The following CD86 variants were observed in gnomAD, a reference collection of about 807,000 sequenced individuals.
The protein encoded by CD86 is CD86 molecule.
Under a neutral mutation model 32.1 loss-of-function variants are expected in CD86, and 11 were observed. The ratio of observed to expected loss-of-function variants is 0.34; its 90% CI spans 0.22 to 0.57. The LOEUF is 0.57. Ranked by LOEUF, CD86 falls within the 20% of genes least tolerant of loss-of-function variation. The pLI, the probability that CD86 is intolerant of heterozygous loss-of-function variation, is 0.86. For synonymous variants in CD86, 137 were observed against 135.3 expected (o/e 1.01, Z -0.09); for missense variants, 359 against 398.4 (o/e 0.90, Z 0.84).
intron 1 of CD86, among the ~76,000 whole-genome samples, chr3:122,069,516 C>T (rs143723526): frequency 2.0e-5 from 3 of 152,156 alleles, no homozygotes; most frequent in Admixed American, 6.5e-5. Flanking sequence ...TTGAGATACA[C>T]GACAGGCAGG....
chr3:122,116,882 G>T (rs964876533), intron 5 of CD86, among the ~76,000 whole-genome samples: 1 of 152,118 alleles, frequency 6.6e-6, no homozygotes, highest in African/African-American at 2.4e-5. Flanking sequence ...ATGGGATGGG[G>T]GAAAGGAATC....
chr3:122,076,671 AG>A (rs2072560777), intron 1 of CD86, among the ~76,000 whole-genome samples: 1 of 152,238 alleles, frequency 6.6e-6, no homozygotes, highest in Non-Finnish European at 1.5e-5. Flanking sequence ...TAGTGACAGA[AG>A]GGAGATCTTT....
intron 3 of CD86, among the ~76,000 whole-genome samples, chr3:122,104,404 A>G (rs1306923692): frequency 6.6e-6 from 1 of 152,162 alleles, no homozygotes; most frequent in Non-Finnish European, 1.5e-5. Context: ...ACAAACTTAC[A>G]AACCAGCTCC....
chr3:122,083,927 T>G (rs2072674859), intron 1 of CD86, among the ~76,000 whole-genome samples: 1 of 152,256 alleles, frequency 6.6e-6, no homozygotes, highest in Non-Finnish European at 1.5e-5. Flanking sequence ...CTTTTTAATT[T>G]CTTTAATGTG....
chr3:122,091,942 G>A lies in CD86; in HGVS notation c.64+292G>A, dbSNP rs548965022. The A allele has an allele frequency of 8.9e-6, 3 of 337,504 alleles. No homozygotes were observed. The East Asian group carries it at 1.5e-4, about 17-fold the overall frequency. 20.9% of individuals were successfully genotyped at this position (337,504 alleles called of 1,614,324 possible). Reference sequence around the variant, plus strand: ...GTAGGGTAGCCTGGCCCATCCCATGGGGATGGGGGAAGGCTGCTGCACTGA... The same window carrying A: ...GTAGGGTAGCCTGGCCCATCCCATGAGGATGGGGGAAGGCTGCTGCACTGA... On this transcript the variant is annotated intron_variant, in intron 2 of 6. Transcript: ENST00000330540.
chr3:122,106,536 G>T, intron 4 of CD86, 36 bp downstream of exon 4: 1 of 1,533,226 alleles, frequency 6.5e-7, no homozygotes, highest in Non-Finnish European at 8.9e-7. Context: ...CTTTCAGCAG[G>T]TATTATACAC....
intron 5 of CD86, among the ~76,000 whole-genome samples, chr3:122,116,883 G>A (rs924372394): frequency 6.6e-6 from 1 of 152,122 alleles, no homozygotes; most frequent in Non-Finnish European, 1.5e-5. Flanking sequence ...TGGGATGGGG[G>A]AAAGGAATCA....
chr3:122,102,185 C>G (rs1293883147), intron 2 of CD86, among the ~76,000 whole-genome samples: 1 of 152,078 alleles, frequency 6.6e-6, no homozygotes, highest in East Asian at 1.9e-4. Context: ...TAATTACTCC[C>G]CCACTTAGAA....
chr3:122,077,067 T>A (rs2072565646), intron 1 of CD86, among the ~76,000 whole-genome samples: 1 of 152,154 alleles, frequency 6.6e-6, no homozygotes, highest in South Asian at 2.1e-4. Context: ...CTCCAAGAGA[T>A]CAGGGAGGCA....
At chr3:122,066,915 A>G (rs2072421597) in intron 1 of CD86, among the ~76,000 whole-genome samples, 1 of 152,200 alleles carries the variant, frequency 6.6e-6, no homozygotes, top group East Asian at 1.9e-4. Flanking sequence ...ATATGGTGAA[A>G]AAAAGAGGGT....
intron 1 of CD86, among the ~76,000 whole-genome samples, chr3:122,082,989 C>G (rs1456493165): frequency 1.3e-5 from 2 of 152,178 alleles, no homozygotes; most frequent in East Asian, 3.8e-4. Flanking sequence ...ATAAATCAAA[C>G]AATACTTTGT....
At chr3:122,119,338 G>A in intron 6 of CD86, 100 bp from the exon 7 acceptor site, 3 of 738,098 alleles carry the variant, frequency 4.1e-6, no homozygotes, top group Non-Finnish European at 7.2e-6. Flanking sequence ...CCTCATTGCT[G>A]TTCCAATGGC....
At chr3:122,089,500 A>G (rs909070741) in intron 1 of CD86, among the ~76,000 whole-genome samples, 3 of 150,834 alleles carry the variant, frequency 2.0e-5, no homozygotes, top group Non-Finnish European at 4.4e-5. Context: ...AGATTTCTAA[A>G]TAACAAAGAT....
chr3:122,075,096 GA>G (rs893579027), intron 1 of CD86, among the ~76,000 whole-genome samples: 93 of 141,018 alleles, frequency 6.6e-4, no homozygotes, highest in Middle Eastern at 3.6e-3. Context: ...CTTGACATGT[GA>G]AAAAAAAAAA....
At chr3:122,072,980 A>T (rs2072509928) in intron 1 of CD86, among the ~76,000 whole-genome samples, 2 of 151,918 alleles carry the variant, frequency 1.3e-5, no homozygotes, top group Admixed American at 1.3e-4. Flanking sequence ...CCATTTATTA[A>T]ACAGGGAATC....
intron 1 of CD86, among the ~76,000 whole-genome samples, chr3:122,076,028 G>A (rs1327318528): frequency 6.6e-6 from 1 of 152,214 alleles, no homozygotes; most frequent in East Asian, 1.9e-4. Context: ...CAGGCATTAA[G>A]TAGTGGAGCA....
At chr3:122,114,643 T>G (rs2073223497) in intron 5 of CD86, among the ~76,000 whole-genome samples, 1 of 152,162 alleles carries the variant, frequency 6.6e-6, no homozygotes, top group African/African-American at 2.4e-5. Context: ...AGCAATATGT[T>G]AAAAGTATAA....
chr3:122,071,931 C>T (rs1292086377), intron 1 of CD86, among the ~76,000 whole-genome samples: 2 of 138,762 alleles, frequency 1.4e-5, no homozygotes, highest in African/African-American at 2.7e-5. Context: ...TTCCTGTGTC[C>T]ATGTGTTCTC....
At chr3:122,103,882 C>T (rs938576038) in intron 3 of CD86, 35 bp downstream of exon 3, 3 of 1,537,476 alleles carry the variant, frequency 2.0e-6, no homozygotes, top group Middle Eastern at 1.7e-4. Flanking sequence ...AGATTCTTAG[C>T]CTTCTCAGAT....
Sources: allele counts gnomAD v4.1 joint callset (sites outside exome capture counted in the v4.1 genomes callset), GRCh38; gene constraint gnomAD v4.1.1; transcripts MANE v1.5; gene names NCBI Gene and HGNC (gene_info 2026-07-23, HGNC 2026-07-21).